MSTO1: variants seen among roughly 807,000 people sequenced by gnomAD.
MSTO1 encodes the protein protein misato homolog 1.
MSTO1 carries 24 observed loss-of-function variants against 55.7 expected under a neutral mutation model. The observed-to-expected ratio is 0.43, with a 90% CI of 0.31 to 0.61. The LOEUF is 0.61. Among genes scored for constraint, MSTO1 ranks in the 20% least tolerant of loss-of-function variants. The pLI is 0.09. For synonymous variants in MSTO1, 162 were observed against 252.8 expected (o/e 0.64, Z 3.41); for missense variants, 363 against 625.7 (o/e 0.58, Z 4.48).
chr1:155,606,198 C>CTTTTTTTTT (rs747681932), upstream of MSTO1, among the ~76,000 whole-genome samples: 70 of 28,116 alleles, frequency 2.5e-3, 3 homozygotes, highest in Non-Finnish European at 3.0e-3. Flanking sequence ...CATGCCCAGC[C>CTTTTTTTTT]TTTTTTTTTT....
At chr1:155,576,436 C>T in the MSTO1 span, among the ~76,000 whole-genome samples, 11 of 151,942 alleles carry the variant, frequency 7.2e-5, no homozygotes, top group African/African-American at 7.2e-5. Context: ...AAGTGATTCT[C>T]CTGCCTCAGC....
chr1:155,604,205 T>C, the MSTO1 span, among the ~76,000 whole-genome samples: 2 of 152,252 alleles, frequency 1.3e-5, no homozygotes, highest in Non-Finnish European at 2.9e-5. Flanking sequence ...TCTTTTTCAA[T>C]AGAAGTTATA....
At chr1:155,585,899 T>G in the MSTO1 span, among the ~76,000 whole-genome samples, 1 of 152,106 alleles carries the variant, frequency 6.6e-6, no homozygotes, top group African/African-American at 2.4e-5. Context: ...CCTATATATA[T>G]ATCCCCCAAA....
the MSTO1 span, among the ~76,000 whole-genome samples, chr1:155,574,845 C>G: frequency 6.6e-6 from 1 of 151,460 alleles, no homozygotes; most frequent in Non-Finnish European, 1.5e-5. Flanking sequence ...TGCACAGCCT[C>G]CACTATCTAA....
At chr1:155,602,045 C>T in the MSTO1 span, 680 of 595,642 alleles carry the variant, frequency 1.1e-3, 3 homozygotes, top group Admixed American at 1.8e-3. Context: ...TGAGCCGCCG[C>T]GCCCGGCCTC....
At chr1:155,606,293 AAGTGATCCGCCTG>A (rs113382768), upstream of MSTO1, among the ~76,000 whole-genome samples, 2,276 of 138,578 alleles carry the variant, frequency 0.016, 58 homozygotes, top group African/African-American at 0.058. Context: ...TCCTGGCCTT[AAGTGATCCGCCTG>A]CCTCAGCCTC....
chr1:155,563,277 C>T, the MSTO1 span: 1 of 456,304 alleles, frequency 2.2e-6, no homozygotes, highest in African/African-American at 2.0e-5. Context: ...TGGAGCTGGT[C>T]GCAGGCGGTG....
upstream of MSTO1, among the ~76,000 whole-genome samples, chr1:155,606,187 C>A (rs368900056): frequency 2.1e-4 from 30 of 143,272 alleles, no homozygotes; most frequent in African/African-American, 7.6e-4. Context: ...GCACTGGCCA[C>A]CATGCCCAGC....
At chr1:155,586,220 T>G in the MSTO1 span, among the ~76,000 whole-genome samples, 3 of 150,874 alleles carry the variant, frequency 2.0e-5, no homozygotes, top group East Asian at 1.9e-4. Context: ...TTTTTTTTTT[T>G]TTGTTAGAGA....
the MSTO1 span, among the ~76,000 whole-genome samples, chr1:155,583,272 G>A: frequency 6.7e-6 from 1 of 149,406 alleles, no homozygotes; most frequent in Admixed American, 6.7e-5. Flanking sequence ...AGGCATAGTG[G>A]CTCACACCTG....
chr1:155,582,727 G>A, the MSTO1 span, among the ~76,000 whole-genome samples: 1 of 152,000 alleles, frequency 6.6e-6, no homozygotes, highest in African/African-American at 2.4e-5. Flanking sequence ...CCAAAGTGCT[G>A]GTATTACAGG....
At chr1:155,579,129 G>A in the MSTO1 span, among the ~76,000 whole-genome samples, 1 of 151,400 alleles carries the variant, frequency 6.6e-6, no homozygotes, top group African/African-American at 2.4e-5. Context: ...CCAACATGGA[G>A]AAACCCCGTC....
chr1:155,585,339 C>T, the MSTO1 span, among the ~76,000 whole-genome samples: 5 of 152,024 alleles, frequency 3.3e-5, no homozygotes, highest in South Asian at 2.1e-4. Flanking sequence ...CTTGCTAACA[C>T]GGTGAAACCC....
chr1:155,607,463 C>T (rs550581654), upstream of MSTO1, among the ~76,000 whole-genome samples: 8 of 152,300 alleles, frequency 5.3e-5, no homozygotes, highest in East Asian at 1.9e-4. Context: ...TCTGAGCCAC[C>T]GCGCCTAGCC....
the MSTO1 span, chr1:155,586,788 C>A: frequency 2.5e-6 from 1 of 401,760 alleles, no homozygotes; most frequent in Non-Finnish European, 5.0e-6. Flanking sequence ...TGCTCTGTCA[C>A]CCTGGCTGGA....
In MSTO1 at chr1:155,612,970, A is replaced by T. The variant is rs1674606165; in HGVS notation, c.1093A>T (p.Lys365Ter). 6.2e-7 allele frequency: 1 copy of T among 1,613,686 alleles called. No homozygotes were observed. The highest frequency in any genetic ancestry group is 8.5e-7 in the Non-Finnish European group (1 of 1,179,788). The change falls in exon 10 of 14, where the codon AAA (lysine) becomes TAA (stop). Residue 365 changes from lysine to a stop codon, truncating the protein, a stop_gained. Transcript: ENST00000245564. LOFTEE classifies it high-confidence loss of function. ...GGCTGACATGCTGAGCTTCTGTGGGAAAAAGGTATGAAGCTTTGTAAGGGG... is the reference window on the plus strand; with the variant it reads ...GGCTGACATGCTGAGCTTCTGTGGGTAAAAGGTATGAAGCTTTGTAAGGGG... ...HLADMLSFCG[K>*]KVVTAGAIIP...
chr1:155,587,327 C>G, the MSTO1 span, among the ~76,000 whole-genome samples: 3,087 of 150,822 alleles, frequency 0.02, 100 homozygotes, highest in African/African-American at 0.072. Flanking sequence ...GTAATCCCAA[C>G]TACTCCAGAG....
chr1:155,575,158 T>A, the MSTO1 span, among the ~76,000 whole-genome samples: 1 of 151,220 alleles, frequency 6.6e-6, no homozygotes, highest in Non-Finnish European at 1.5e-5. Context: ...TGAGCCACCA[T>A]GCCAGGCTAA....
chr1:155,590,858 C>T, the MSTO1 span: 41 of 1,610,442 alleles, frequency 2.5e-5, no homozygotes, highest in South Asian at 7.7e-5. Flanking sequence ...GTCCAGCAAA[C>T]GGGGATTAGT....
Sources: gnomAD v4.1 joint callset for allele counts (sites outside exome capture counted in the v4.1 genomes callset) on GRCh38, gnomAD v4.1.1 for gene constraint, MANE v1.5 for transcripts, NCBI Gene and HGNC (gene_info 2026-07-23, HGNC 2026-07-21) for gene names.